Variants in MLIP observed in about 807,000 individuals in gnomAD.
The protein encoded by MLIP is muscular LMNA interacting protein.
MLIP carries 79 observed loss-of-function variants against 84.8 expected under a neutral mutation model. The observed-to-expected ratio is 0.93, with a 90% CI of 0.78 to 1.12. The LOEUF is 1.12. MLIP is among the 50% of genes most tolerant of loss of function. The probability of loss-of-function intolerance (pLI) is 0.00; values close to 1 mark genes in which losing one functional copy is unlikely to be tolerated. For synonymous variants in MLIP, 504 were observed against 463.0 expected (o/e 1.09, Z -1.14); for missense variants, 1,257 against 1,160.6 (o/e 1.08, Z -1.21).
At chr6:54,046,608 A>G (rs1008725435) in intron 1 of MLIP, 12 of 152,204 alleles carry the variant, frequency 7.9e-5, no homozygotes, top group African/African-American at 2.9e-4. Context: ...CTATTATTTG[A>G]CATTAAGACT....
At chr6:54,113,238 C>T (rs1769625054) in intron 1 of MLIP, among the ~76,000 whole-genome samples, 1 of 152,104 alleles carries the variant, frequency 6.6e-6, no homozygotes, top group Non-Finnish European at 1.5e-5. Context: ...GTTGCAATTT[C>T]ACCTCTTTAC....
rs1783649757 is a variant in MLIP at position 54,265,748 on chromosome 6, G to A, written c.2977-202G>A. Reference sequence around the variant, plus strand: ...CAAGAGATTGGAGTCTGATGTAAAGGTACAGCTGTTTGTCTTTATTATGCC... The same window carrying A: ...CAAGAGATTGGAGTCTGATGTAAAGATACAGCTGTTTGTCTTTATTATGCC... On this transcript the variant is annotated intron_variant, in intron 13 of 13. Coordinates refer to ENST00000502396, the MANE Select transcript of MLIP (RefSeq NM_001281747.2). Among the ~76,000 whole-genome samples, 3 of 152,144 alleles carry A rather than the reference G, an allele frequency of 2.0e-5. No individual in the cohort carries two copies. The South Asian group carries it at 6.2e-4, about 31-fold the overall frequency.
chr6:54,050,328 A>G (rs1164212970), intron 1 of MLIP, among the ~76,000 whole-genome samples: 1 of 152,168 alleles, frequency 6.6e-6, no homozygotes, highest in Non-Finnish European at 1.5e-5. Flanking sequence ...AATAACCATG[A>G]CTAATGCCTT....
intron 11 of MLIP, among the ~76,000 whole-genome samples, chr6:54,224,508 A>G (rs1326734158): frequency 1.3e-5 from 2 of 152,142 alleles, no homozygotes; most frequent in Non-Finnish European, 2.9e-5. Flanking sequence ...TAAGGAACAA[A>G]TTCAGTTATG....
chr6:54,134,315 TA>T (rs988305414), intron 3 of MLIP, among the ~76,000 whole-genome samples: 2 of 152,002 alleles, frequency 1.3e-5, no homozygotes, highest in African/African-American at 4.8e-5. Context: ...AATCTTTTTA[TA>T]AAAAAAGAAT....
chr6:54,128,045 A>G (rs908782303), intron 3 of MLIP, among the ~76,000 whole-genome samples: 1 of 152,196 alleles, frequency 6.6e-6, no homozygotes, highest in Non-Finnish European at 1.5e-5. Flanking sequence ...CTGATGAGGT[A>G]GAATTAGCTG....
At chr6:54,055,409 T>C (rs1235179167) in intron 1 of MLIP, among the ~76,000 whole-genome samples, 1 of 152,180 alleles carries the variant, frequency 6.6e-6, no homozygotes, top group Non-Finnish European at 1.5e-5. Flanking sequence ...TGCTAGTAAA[T>C]GTAGAAATCT....
chr6:54,197,134 T>G (rs1582471782), intron 10 of MLIP, among the ~76,000 whole-genome samples: 1 of 152,058 alleles, frequency 6.6e-6, no homozygotes, highest in East Asian at 1.9e-4. Context: ...ATATGAAAGA[T>G]CAGGTCATAC....
intron 4 of MLIP, among the ~76,000 whole-genome samples, chr6:54,144,818 A>T (rs1230155329): frequency 6.6e-6 from 1 of 152,136 alleles, no homozygotes; most frequent in African/African-American, 2.4e-5. Flanking sequence ...GATCTTTATT[A>T]CTAGAGCCTG....
chr6:54,124,447 C>T (rs768448193), intron 2 of MLIP, 26 bp from the exon 3 acceptor site: 17 of 1,576,056 alleles, frequency 1.1e-5, no homozygotes, highest in Non-Finnish European at 1.4e-5. Context: ...AATGTCAATG[C>T]TTTTATCTCT....
chr6:54,264,575 T>C (rs1783580506), intron 13 of MLIP, among the ~76,000 whole-genome samples: 5 of 152,104 alleles, frequency 3.3e-5, no homozygotes, highest in Non-Finnish European at 7.4e-5. Flanking sequence ...ATAAAATACA[T>C]GGCACTTAAA....
intron 1 of MLIP, among the ~76,000 whole-genome samples, chr6:54,073,258 A>C (rs566177491): frequency 6.6e-6 from 1 of 152,288 alleles, no homozygotes; most frequent in Non-Finnish European, 1.5e-5. Flanking sequence ...ATCAGCTTTC[A>C]GGTTTTCGTA....
At chr6:54,110,128 G>C (rs1769339782), upstream of MLIP, among the ~76,000 whole-genome samples, 1 of 151,198 alleles carries the variant, frequency 6.6e-6, no homozygotes, top group Non-Finnish European at 1.5e-5. Context: ...GACTACAGCT[G>C]CCCGCCACAA....
At chr6:54,216,632 T>A in intron 11 of MLIP, 4 of 971,594 alleles carry the variant, frequency 4.1e-6, no homozygotes, top group Non-Finnish European at 4.9e-6. Context: ...GGATTTCAAA[T>A]AGCTAAGCAT....
At chr6:54,191,754 T>C (rs976662636) in intron 10 of MLIP, among the ~76,000 whole-genome samples, 3 of 152,164 alleles carry the variant, frequency 2.0e-5, no homozygotes, top group Non-Finnish European at 4.4e-5. Context: ...CTTCCCACTT[T>C]AGATATGGAA....
chr6:54,143,087 G>C (rs1180739528), intron 4 of MLIP, among the ~76,000 whole-genome samples: 2 of 152,026 alleles, frequency 1.3e-5, no homozygotes, highest in Non-Finnish European at 2.9e-5. Context: ...GACCAGTTCT[G>C]TGTACCACTC....
chr6:54,174,943 G>T (rs1776134984), intron 9 of MLIP, among the ~76,000 whole-genome samples: 1 of 151,850 alleles, frequency 6.6e-6, no homozygotes, highest in African/African-American at 2.4e-5. Context: ...GATATAGGGG[G>T]TCTAGTTTTA....
chr6:54,143,022 C>A (rs2797424), intron 4 of MLIP, among the ~76,000 whole-genome samples: 44,400 of 151,896 alleles, frequency 0.29, 6,680 homozygotes, highest in Admixed American at 0.34. Flanking sequence ...TCTTGAGAAT[C>A]CTTGACTTTC....
intron 1 of MLIP, among the ~76,000 whole-genome samples, chr6:54,104,244 T>C (rs1285419691): frequency 6.6e-6 from 1 of 152,150 alleles, no homozygotes; most frequent in Non-Finnish European, 1.5e-5. Flanking sequence ...TATAAGTAAA[T>C]ATTACATTAT....
Sources: gnomAD v4.1 joint callset for allele counts (sites outside exome capture counted in the v4.1 genomes callset) on GRCh38, gnomAD v4.1.1 for gene constraint, MANE v1.5 for transcripts, NCBI Gene and HGNC (gene_info 2026-07-23, HGNC 2026-07-21) for gene names.